The following SEMA6B variants were observed in gnomAD, a reference collection of about 807,000 sequenced individuals.
SEMA6B encodes the protein semaphorin-6B.
Under a neutral mutation model 78.6 loss-of-function variants are expected in SEMA6B, and 47 were observed. That is an observed-to-expected ratio of 0.60 (90% CI 0.47 to 0.76). SEMA6B has a LOEUF of 0.76. SEMA6B is among the 30% of genes least tolerant of loss of function. The pLI is 0.00. For missense variants in SEMA6B, 1,213 were observed against 1,269.9 expected (o/e 0.96, Z 0.68); for synonymous variants, 632 against 592.2 (o/e 1.07, Z -0.98).
chr19:4,547,550 C>G (rs1276398054), intron 14 of SEMA6B, among the ~76,000 whole-genome samples: 8 of 152,156 alleles, frequency 5.3e-5, no homozygotes, highest in Non-Finnish European at 1.0e-4. Flanking sequence ...TGCATCCTAG[C>G]TTTCCTCCCA....
rs191566220 is a variant in SEMA6B at position 4,546,948 on chromosome 19, A to T, written c.1602-479T>A. On this transcript the variant is annotated intron_variant, in intron 14 of 16. Coordinates refer to ENST00000586582, the MANE Select transcript of SEMA6B (RefSeq NM_032108.4). ...ATTTTAAAATTAAAAAAATTTTTTT[A>T]AATTAAAATTTAATTTTTTTTTTCT... Among the ~76,000 whole-genome samples the T allele has an allele frequency of 1.0e-3, 141 of 135,938 alleles. 1 individual carries two copies. Among genetic ancestry groups the T allele is most frequent in the African/African-American group, 3.6e-3 (127 of 35,512 alleles). 89.2% of individuals were successfully genotyped at this position (135,938 alleles called of 152,430 possible).
rs1251815385 is a variant in SEMA6B at position 4,556,100 on chromosome 19, G to A, written c.370-11C>T. 6.2e-6 allele frequency: 10 copies of A among 1,603,406 alleles called. No individual in the cohort carries two copies. Among genetic ancestry groups the A allele is most frequent in the East Asian group, 2.2e-5 (1 of 44,834 alleles). On this transcript the variant is annotated splice_polypyrimidine_tract_variant and intron_variant, in intron 5 of 16. Coordinates refer to ENST00000586582, the MANE Select transcript of SEMA6B (RefSeq NM_032108.4). ...GTTTCGACACTCGCCCTGAGGTGGG[G>A]ACAGGAGGAAGCGGGGAGCGCGATG...
In SEMA6B at chr19:4,542,630, G is replaced by A; in HGVS notation, c.*971C>T. 1.8e-6 allele frequency: 1 copy of A among 549,624 alleles called. No individual in the cohort carries two copies. The highest frequency in any genetic ancestry group is 2.8e-5 in the Admixed American group (1 of 36,020). 34.0% of individuals were successfully genotyped at this position (549,624 alleles called of 1,614,324 possible). A position where few individuals can be genotyped will look rare whatever the true frequency, so the allele number is the denominator to read the frequency against. ...GAGTTTTATTGATGGGGAGGGGGCT[G>A]GGGGAGGCAAACTCCAGAGAGGGCA... On this transcript the variant is annotated 3_prime_UTR_variant, in exon 17 of 17. Coordinates refer to ENST00000586582, the MANE Select transcript of SEMA6B (RefSeq NM_032108.4).
Position 4,542,918 on chromosome 19 carries a change from A to C in SEMA6B, c.*683T>G, listed in dbSNP as rs774525347. 1.4e-6 allele frequency: 1 copy of C among 700,568 alleles called. No homozygotes were observed. 43.4% of individuals were successfully genotyped at this position (700,568 alleles called of 1,614,324 possible). ...CCTCTGCAGAGTGGGGGGGGTTCAA[A>C]CTCCTAACCGGCACCTCGGAGACCC... On this transcript the variant is annotated 3_prime_UTR_variant, in exon 17 of 17. Coordinates refer to ENST00000586582, the MANE Select transcript of SEMA6B (RefSeq NM_032108.4).
rs1259903046 is a variant in SEMA6B, at chr19:4,544,129, C to T, written c.2139G>A (p.Thr713=). ...DSGLLPTPEQ[T]PLPQKRLPTP... ...TGGGCAGGCGCTTCTGCGGCAGCGG[C>T]GTCTGCTCGGGCGTGGGCAGCAGCC... Residue 713 remains threonine, a synonymous_variant, in exon 17 of 17, where the codon ACG becomes ACA. Coordinates refer to ENST00000586582, the MANE Select transcript of SEMA6B (RefSeq NM_032108.4). This position sits in a 1 kb window ranked among gnomAD's most constrained non-coding sequence, Gnocchi z 5.1. 1.6e-6 allele frequency: 2 copies of T among 1,274,908 alleles called. No individual in the cohort carries two copies. Among genetic ancestry groups the T allele is most frequent in the Non-Finnish European group, 2.0e-6 (2 of 1,012,080 alleles). The allele number at this position is 1,274,908 out of a possible 1,614,324, so 79.0% of individuals were successfully genotyped here.
At position 4,555,906 on chromosome 19, in the gene SEMA6B, G is replaced by A; in HGVS notation, c.471+82C>T. On this transcript the variant is annotated intron_variant, in intron 6 of 16. Transcript: ENST00000586582. The surrounding 1 kb of genome is among the most constrained non-coding windows in gnomAD (Gnocchi z 6.1). ...CTTCCTGGAGGAGGTGACACGGCCTGGGGAAAAGCCATGGCCAGCGGAGGT... is the reference window on the plus strand; with the variant it reads ...CTTCCTGGAGGAGGTGACACGGCCTAGGGAAAAGCCATGGCCAGCGGAGGT... 2 of 1,104,938 alleles carry A rather than the reference G, an allele frequency of 1.8e-6. No individual in the cohort carries two copies. The highest frequency in any genetic ancestry group is 2.5e-5 in the South Asian group (2 of 80,310). The allele number at this position is 1,104,938 out of a possible 1,614,324, so 68.4% of individuals were successfully genotyped here. A position where few individuals can be genotyped will look rare whatever the true frequency, so the allele number is the denominator to read the frequency against.
At chr19:4,554,846 C>T (rs1156902151) in intron 8 of SEMA6B, 130 bp downstream of exon 8, 1 of 1,192,820 alleles carries the variant, frequency 8.4e-7, no homozygotes, top group Admixed American at 2.4e-5. Flanking sequence ...AAAAGGCCAA[C>T]AGATTCCAAA....
In SEMA6B at chr19:4,544,632, T is replaced by A. The variant is rs1977119335; in HGVS notation, c.1739-103A>T. ...TGTCCTCTTTTTTATTATTTTTATT[T>A]TTTTTTATTTATTTATTTTTTGAGA... On this transcript the variant is annotated intron_variant, in intron 16 of 16. Transcript: ENST00000586582. This position sits in a 1 kb window ranked among gnomAD's most constrained non-coding sequence, Gnocchi z 5.1. 1.6e-6 allele frequency: 1 copy of A among 620,740 alleles called. No homozygotes were observed. The highest frequency in any genetic ancestry group is 2.3e-6 in the Non-Finnish European group (1 of 425,562). 38.5% of individuals were successfully genotyped at this position (620,740 alleles called of 1,614,324 possible). A position where few individuals can be genotyped will look rare whatever the true frequency, so the allele number is the denominator to read the frequency against.
chr19:4,556,078 T>C lies in SEMA6B; in HGVS notation c.381A>G (p.Arg127=). The change falls in exon 6 of 17, where the codon CGA becomes CGG. Residue 127 remains arginine (R), a synonymous_variant. Coordinates refer to ENST00000586582, the MANE Select transcript of SEMA6B (RefSeq NM_032108.4). ...RMKGKQEGEC[R]NFVKVLLLRD... The stretch of plus-strand genomic sequence containing the variant: ...GAAGGAGCAGCACCTTTACGAAGTT[T>C]CGACACTCGCCCTGAGGTGGGGACA... The C allele has an allele frequency of 3.1e-6, 5 of 1,613,810 alleles. No homozygotes were observed. Among genetic ancestry groups the C allele is most frequent in the Non-Finnish European group, 4.2e-6 (5 of 1,179,744 alleles).
rs375558291 is a variant in SEMA6B, at chr19:4,550,083, C to A, written c.1271+40G>T. ...TCCTCTCACCCTCCATCTACCCCAT[C>A]CTGTCTCCCCTCGCCATGCCCTGCC... On this transcript the variant is annotated intron_variant, in intron 12 of 16. Coordinates refer to ENST00000586582, the MANE Select transcript of SEMA6B (RefSeq NM_032108.4). The surrounding 1 kb of genome is among the most constrained non-coding windows in gnomAD (Gnocchi z 6.6). The A allele has an allele frequency of 5.6e-6, 9 of 1,606,004 alleles. No homozygotes were observed. In the African/African-American group the frequency reaches 1.1e-4, roughly 19 times the overall value.
intron 3 of SEMA6B, 46 bp downstream of exon 3, chr19:4,557,980 C>T: frequency 7.6e-7 from 1 of 1,312,944 alleles, no homozygotes; most frequent in African/African-American, 1.5e-5. Flanking sequence ...CTCCCCCTCG[C>T]TCATTCTGCT....
intron 12 of SEMA6B, among the ~76,000 whole-genome samples, chr19:4,549,129 C>A (rs543617524): frequency 2.0e-5 from 3 of 151,680 alleles, no homozygotes; most frequent in Non-Finnish European, 4.4e-5. Context: ...CCCAGCCCCG[C>A]TTTCTCCTGA....
In SEMA6B at chr19:4,543,899, G is replaced by C; in HGVS notation, c.2369C>G (p.Thr790Ser). The change falls in exon 17 of 17, where the codon ACC becomes AGC. Residue 790 changes from threonine (T) to serine (S), a missense_variant. Thr to Ser is a moderately conservative substitution (Grantham distance 58). Transcript: ENST00000586582. ...CCGGCGGTCCGGGCTGGCGTGGGGG[G>C]TGAGCGGGAAGTCGCCGTGGGAGGC... ...GRASHGDFPL[T>S]PHASPDRRRV... 8.3e-7 allele frequency: 1 copy of C among 1,204,294 alleles called. No individual in the cohort carries two copies. The highest frequency in any genetic ancestry group is 1.0e-6 in the Non-Finnish European group (1 of 970,576). 74.6% of individuals were successfully genotyped at this position (1,204,294 alleles called of 1,614,324 possible).
chr19:4,547,490 C>T (rs1394395915), intron 14 of SEMA6B, among the ~76,000 whole-genome samples: 5 of 152,190 alleles, frequency 3.3e-5, no homozygotes, highest in African/African-American at 1.2e-4. Flanking sequence ...GAAGCAGGGT[C>T]CTCCGCATTG....
chr19:4,546,703 C>CA (rs1977178338), intron 14 of SEMA6B, among the ~76,000 whole-genome samples: 1 of 152,100 alleles, frequency 6.6e-6, no homozygotes, highest in African/African-American at 2.4e-5. Context: ...TGGTTCACTG[C>CA]AACCTCCGCC....
At position 4,548,018 on chromosome 19, in the gene SEMA6B, G is replaced by A. The variant is rs372701347; in HGVS notation, c.1601+9C>T. ...TCCCGCCCACGGCTGGCCTGGGGTGGACACTCACTTCATACACCCCGAGTA... is the reference window on the plus strand; with the variant it reads ...TCCCGCCCACGGCTGGCCTGGGGTGAACACTCACTTCATACACCCCGAGTA... On this transcript the variant is annotated intron_variant, in intron 14 of 16. Transcript: ENST00000586582. 642 of 1,537,654 alleles carry A rather than the reference G, an allele frequency of 4.2e-4. 5 individuals carry two copies. The African/African-American group carries it at 7.8e-3, about 19-fold the overall frequency.
Position 4,555,857 on chromosome 19 carries a change from G to T in SEMA6B, c.471+131C>A. ...CTCCTCTTGAGCTCAGGGGGAGGAG[G>T]CAGGGAGAGTATATCCAGGAAGGCT... On this transcript the variant is annotated intron_variant, in intron 6 of 16. Coordinates refer to ENST00000586582, the MANE Select transcript of SEMA6B (RefSeq NM_032108.4). This position sits in a 1 kb window ranked among gnomAD's most constrained non-coding sequence, Gnocchi z 6.1. 4 of 765,730 alleles carry T rather than the reference G, an allele frequency of 5.2e-6. No homozygotes were observed. Among genetic ancestry groups the T allele is most frequent in the Non-Finnish European group, 6.8e-6 (3 of 439,176 alleles). The allele number at this position is 765,730 out of a possible 1,614,324, so 47.4% of individuals were successfully genotyped here. A position where few individuals can be genotyped will look rare whatever the true frequency, so the allele number is the denominator to read the frequency against.
chr19:4,543,059 C>G lies in SEMA6B; in HGVS notation c.*542G>C. 1.5e-6 allele frequency: 1 copy of G among 652,580 alleles called. No individual in the cohort carries two copies. The highest frequency in any genetic ancestry group is 2.8e-6 in the Non-Finnish European group (1 of 357,724). The allele number at this position is 652,580 out of a possible 1,614,324, so 40.4% of individuals were successfully genotyped here. Reference sequence around the variant, plus strand: ...CGCGTGGCCCACTTGACACACACGCCCACAGCAGCCTTCGCTGGCACGCAC... The same window carrying G: ...CGCGTGGCCCACTTGACACACACGCGCACAGCAGCCTTCGCTGGCACGCAC... On this transcript the variant is annotated 3_prime_UTR_variant, in exon 17 of 17. Transcript: ENST00000586582.
chr19:4,545,996 C>A, intron 16 of SEMA6B: 1 of 448,892 alleles, frequency 2.2e-6, no homozygotes, highest in Non-Finnish European at 4.1e-6. Context: ...TGGTCTAGAT[C>A]TCCTGACCTC....
Sources: gnomAD v4.1 joint callset for allele counts (sites outside exome capture counted in the v4.1 genomes callset) on GRCh38, gnomAD v4.1.1 for gene constraint, Gnocchi (gnomAD v3.1) non-coding constraint, MANE v1.5 for transcripts, NCBI Gene and HGNC (gene_info 2026-07-23, HGNC 2026-07-21) for gene names.